Variants in DCTN6 observed in about 807,000 individuals in gnomAD.
DCTN6 encodes the protein dynactin subunit 6, also known as dynactin 6.
In DCTN6, 15 loss-of-function variants were observed where a neutral mutation model predicts 25.8. The observed-to-expected ratio is 0.58, with a 90% CI of 0.39 to 0.89. DCTN6 has a LOEUF of 0.89. Ranked by LOEUF, DCTN6 falls within the 40% of genes least tolerant of loss-of-function variation. The probability of loss-of-function intolerance (pLI) is 0.00; values close to 1 mark genes in which losing one functional copy is unlikely to be tolerated. For synonymous variants in DCTN6, 64 were observed against 78.3 expected (o/e 0.82, Z 0.96); for missense variants, 198 against 237.6 (o/e 0.83, Z 1.09).
Position 30,179,412 on chromosome 8 carries a change from C to T in DCTN6, c.288C>T (p.Ser96=), listed in dbSNP as rs1803884689. ...TNNVFEVGCY[S]QAMKMGDNNV... ...TTACCTAACTCTGGCTTACAGATTCCCAAGCCATGAAGATGGGAGATAATA... is the reference window on the plus strand; with the variant it reads ...TTACCTAACTCTGGCTTACAGATTCTCAAGCCATGAAGATGGGAGATAATA... The change falls in exon 5 of 7, where the codon TCC becomes TCT. Residue 96 remains serine (S), a synonymous_variant. Coordinates refer to ENST00000221114, the MANE Select transcript of DCTN6 (RefSeq NM_006571.4). 1.2e-6 allele frequency: 2 copies of T among 1,611,440 alleles called. No homozygotes were observed. The highest frequency in any genetic ancestry group is 1.7e-6 in the Non-Finnish European group (2 of 1,178,642).
At chr8:30,168,152 G>GA (rs1585501353) in intron 2 of DCTN6, among the ~76,000 whole-genome samples, 1 of 152,286 alleles carries the variant, frequency 6.6e-6, no homozygotes, top group East Asian at 1.9e-4. Context: ...AAAAGTTAAG[G>GA]AAAATATGAG....
At chr8:30,179,606 C>A in intron 5 of DCTN6, 151 bp downstream of exon 5, 1 of 583,126 alleles carries the variant, frequency 1.7e-6, no homozygotes, top group Non-Finnish European at 3.0e-6. Flanking sequence ...CACTAAGGAA[C>A]CTAATCTGGT....
At chr8:30,171,835 A>G (rs1178842944) in intron 2 of DCTN6, among the ~76,000 whole-genome samples, 8 of 152,174 alleles carry the variant, frequency 5.3e-5, no homozygotes, top group Non-Finnish European at 1.2e-4. Context: ...CCCTCTTTCA[A>G]ACATTTCATA....
intron 2 of DCTN6, chr8:30,165,857 T>G: frequency 6.6e-6 from 1 of 150,934 alleles, no homozygotes; most frequent in South Asian, 2.1e-4. Flanking sequence ...GCGAAACTCC[T>G]TCTCAGAAAA....
rs149943021 is a variant in DCTN6 at position 30,177,165 on chromosome 8, A to G, written c.234A>G (p.Glu78=). Residue 78 remains glutamate, a synonymous_variant, in exon 4 of 7, where the codon GAA becomes GAG. Coordinates refer to ENST00000221114, the MANE Select transcript of DCTN6 (RefSeq NM_006571.4). ...DNITPDTEDP[E]PKPMIIGTNN... ...TCACTCCTGACACTGAAGATCCAGA[A>G]CCAAAACCTATGATCATTGGCACCA... 6.2e-7 allele frequency: 1 copy of G among 1,613,846 alleles called. No individual in the cohort carries two copies. The highest frequency in any genetic ancestry group is 8.5e-7 in the Non-Finnish European group (1 of 1,179,876).
At chr8:30,173,181 GGCCCCC>G (rs1370634474) in intron 2 of DCTN6, among the ~76,000 whole-genome samples, 1 of 152,086 alleles carries the variant, frequency 6.6e-6, no homozygotes, top group Non-Finnish European at 1.5e-5. Flanking sequence ...CCCTGTTTTA[GGCCCCC>G]GCCCTCATTA....
intron 1 of DCTN6, among the ~76,000 whole-genome samples, chr8:30,157,975 A>G (rs1803548453): frequency 6.6e-6 from 1 of 152,196 alleles, no homozygotes; most frequent in East Asian, 1.9e-4. Context: ...TTGACTTGTT[A>G]CTTTTACAGA....
At chr8:30,167,346 A>AGTTT (rs904968706) in intron 2 of DCTN6, among the ~76,000 whole-genome samples, 2 of 151,850 alleles carry the variant, frequency 1.3e-5, no homozygotes, top group Non-Finnish European at 1.5e-5. Context: ...CTTTCCTTTT[A>AGTTT]GTTTGTTTGT....
chr8:30,167,772 C>T (rs1803703307), intron 2 of DCTN6, among the ~76,000 whole-genome samples: 1 of 152,108 alleles, frequency 6.6e-6, no homozygotes, highest in African/African-American at 2.4e-5. Flanking sequence ...GATCTCAGCT[C>T]ACTGCAACCT....
At chr8:30,162,945 C>T (rs748493654) in intron 1 of DCTN6, among the ~76,000 whole-genome samples, 2 of 152,010 alleles carry the variant, frequency 1.3e-5, no homozygotes, top group Non-Finnish European at 2.9e-5. Flanking sequence ...CATTTTCTCA[C>T]TTCACTCTTT....
Position 30,176,953 on chromosome 8 carries a change from A to G in DCTN6, c.195-173A>G, listed in dbSNP as rs199578216. 3.1e-5 allele frequency: 16 copies of G among 515,678 alleles called. No homozygotes were observed. The East Asian group carries it at 3.1e-4, about 10-fold the overall frequency. The allele number at this position is 515,678 out of a possible 1,614,324, so 31.9% of individuals were successfully genotyped here. ...TGGTGCCACTGTACCAGCCTGGGTG[A>G]TAGAGTGAGATTCCATATCAAAAAA... is the stretch of plus-strand genomic sequence containing the variant. On this transcript the variant is annotated intron_variant, in intron 3 of 6. Coordinates refer to ENST00000221114, the MANE Select transcript of DCTN6 (RefSeq NM_006571.4).
chr8:30,163,320 C>T (rs1434219672), intron 1 of DCTN6, among the ~76,000 whole-genome samples: 2 of 152,042 alleles, frequency 1.3e-5, no homozygotes, highest in African/African-American at 4.8e-5. Context: ...TGAGGTCTCA[C>T]TATGTTGCCC....
intron 2 of DCTN6, among the ~76,000 whole-genome samples, chr8:30,171,254 T>C (rs1001792156): frequency 1.3e-5 from 2 of 151,984 alleles, no homozygotes; most frequent in African/African-American, 2.4e-5. Context: ...TCCTATCTTT[T>C]TTTTTTCCCC....
At chr8:30,160,431 C>A (rs987124693) in intron 1 of DCTN6, among the ~76,000 whole-genome samples, 3 of 152,154 alleles carry the variant, frequency 2.0e-5, no homozygotes, top group African/African-American at 7.2e-5. Context: ...CCCAAACATG[C>A]TGAACTGTGA....
chr8:30,165,707 CA>C (rs1296562833), intron 2 of DCTN6: 2 of 154,388 alleles, frequency 1.3e-5, no homozygotes, highest in Admixed American at 1.3e-4. Context: ...ACTAAAAATA[CA>C]AAATTAGCTG....
Position 30,175,234 on chromosome 8 carries a change from G to A in DCTN6, c.194+44G>A, listed in dbSNP as rs16876614. The A allele has an allele frequency of 2.1e-3, 3,259 of 1,546,782 alleles. 70 individuals are homozygous for A. The African/African-American group carries it at 0.038, about 18-fold the overall frequency. ...CTGTGAACCAAGTACCATGGGTAAC[G>A]GTTTTTCTTAATTTCAGCTGTCTGT... On this transcript the variant is annotated intron_variant, in intron 3 of 6. Transcript: ENST00000221114.
Position 30,183,355 on chromosome 8 carries a change from G to T in DCTN6, c.*182G>T. On this transcript the variant is annotated 3_prime_UTR_variant, in exon 7 of 7. Transcript: ENST00000221114. ...ACTGTCCTTTGTAATTTATATAAAT[G>T]TATTATTTTCCTATATCCTTGGTTC... 1.4e-5 allele frequency: 6 copies of T among 423,924 alleles called. No individual in the cohort carries two copies. Among genetic ancestry groups the T allele is most frequent in the South Asian group, 5.1e-5 (1 of 19,592 alleles). The allele number at this position is 423,924 out of a possible 1,614,324, so 26.3% of individuals were successfully genotyped here. A position where few individuals can be genotyped will look rare whatever the true frequency, so the allele number is the denominator to read the frequency against.
At chr8:30,177,760 C>T (rs1424210321) in intron 4 of DCTN6, among the ~76,000 whole-genome samples, 1 of 152,140 alleles carries the variant, frequency 6.6e-6, no homozygotes, top group East Asian at 1.9e-4. Flanking sequence ...GGTCATCTAG[C>T]TCTTTGAACA....
At position 30,174,902 on chromosome 8, in the gene DCTN6, A is replaced by G. The variant is rs116134929; in HGVS notation, c.89-183A>G. ...GCCATTCCACTCACATTGGCTTGCAACTTGGCCCTGACTACTGATGATAAA... is the reference window on the plus strand; with the variant it reads ...GCCATTCCACTCACATTGGCTTGCAGCTTGGCCCTGACTACTGATGATAAA... On this transcript the variant is annotated intron_variant, in intron 2 of 6. Coordinates refer to ENST00000221114, the MANE Select transcript of DCTN6 (RefSeq NM_006571.4). Among the ~76,000 whole-genome samples, 1,668 of 152,250 alleles carry G rather than the reference A, an allele frequency of 0.011. 34 individuals carry two copies. The highest frequency in any genetic ancestry group is 0.037 in the African/African-American group (1,551 of 41,530).
Sources: gnomAD v4.1 joint callset for allele counts (sites outside exome capture counted in the v4.1 genomes callset) on GRCh38, gnomAD v4.1.1 for gene constraint, MANE v1.5 for transcripts, NCBI Gene and HGNC (gene_info 2026-07-23, HGNC 2026-07-21) for gene names.